Variants in XYLT1 observed in about 807,000 individuals in gnomAD.
XYLT1 encodes xylosyltransferase 1.
Under a neutral mutation model 91.3 loss-of-function variants are expected in XYLT1, and 36 were observed. The ratio of observed to expected loss-of-function variants is 0.39; its 90% CI spans 0.30 to 0.52. The LOEUF (loss-of-function observed/expected upper bound fraction) is 0.52, where lower values mean the gene tolerates loss of function less well. Ranked by LOEUF, XYLT1 falls within the 20% of genes least tolerant of loss-of-function variation. XYLT1 has a pLI of 0.68. For missense variants in XYLT1, 1,242 were observed against 1,284.5 expected (o/e 0.97, Z 0.51); for synonymous variants, 588 against 532.0 (o/e 1.11, Z -1.45).
rs1355447400 is a variant in XYLT1, at chr16:17,108,422, A to C, written c.*273T>G. On this transcript the variant is annotated 3_prime_UTR_variant, in exon 12 of 12. Coordinates refer to ENST00000261381, the MANE Select transcript of XYLT1 (RefSeq NM_022166.4). ...TCAGGGGTGGGTCACTGGAAGGGGA[A>C]GACAAGGAACCTGTAGGACTTGAGG... The C allele has an allele frequency of 8.0e-6, 3 of 373,798 alleles. No individual in the cohort carries two copies. Among genetic ancestry groups the C allele is most frequent in the East Asian group, 8.0e-5 (2 of 25,050 alleles). The allele number at this position is 373,798 out of a possible 1,614,324, so 23.2% of individuals were successfully genotyped here.
At chr16:17,172,163 G>C (rs2031835032) in intron 5 of XYLT1, among the ~76,000 whole-genome samples, 1 of 152,120 alleles carries the variant, frequency 6.6e-6, no homozygotes, top group Admixed American at 6.6e-5. Context: ...TTGCAGCTGT[G>C]AATTAAATTT....
chr16:17,197,910 G>T, intron 5 of XYLT1: 1 of 429,040 alleles, frequency 2.3e-6, no homozygotes, highest in East Asian at 4.2e-5. Context: ...CACCTATCCT[G>T]TTAGTTCTGT....
chr16:17,121,900 A>C (rs1380369470), intron 10 of XYLT1, among the ~76,000 whole-genome samples: 1 of 152,140 alleles, frequency 6.6e-6, no homozygotes, highest in African/African-American at 2.4e-5. Context: ...CTCCAATTCC[A>C]TCCAGGTTGC....
At chr16:17,443,042 C>T (rs543758852) in intron 1 of XYLT1, among the ~76,000 whole-genome samples, 1 of 152,098 alleles carries the variant, frequency 6.6e-6, no homozygotes, top group Non-Finnish European at 1.5e-5. Flanking sequence ...TTGGAGCAGA[C>T]CGCTTGGGTG....
At chr16:17,338,538 A>G in intron 2 of XYLT1, 2 of 456,008 alleles carry the variant, frequency 4.4e-6, no homozygotes, top group Non-Finnish European at 8.8e-6. Flanking sequence ...TGATTTTCTG[A>G]CAAGGCTCAA....
At chr16:17,189,217 C>T (rs1734466675) in intron 5 of XYLT1, among the ~76,000 whole-genome samples, 1 of 152,166 alleles carries the variant, frequency 6.6e-6, no homozygotes, top group Admixed American at 6.5e-5. Flanking sequence ...GAAGCTTGGA[C>T]CTCACACTCT....
intron 5 of XYLT1, among the ~76,000 whole-genome samples, chr16:17,190,655 T>C (rs989375502): frequency 3.9e-5 from 6 of 152,262 alleles, no homozygotes; most frequent in African/African-American, 7.2e-5. Flanking sequence ...TAGTATTCCA[T>C]GGTGTATATG....
At chr16:17,175,598 T>C (rs1342755935) in intron 5 of XYLT1, among the ~76,000 whole-genome samples, 4 of 152,166 alleles carry the variant, frequency 2.6e-5, no homozygotes, top group Non-Finnish European at 4.4e-5. Flanking sequence ...GGAAGGAATG[T>C]GGACACCTGC....
At chr16:17,309,190 T>C (rs1224488884) in intron 2 of XYLT1, among the ~76,000 whole-genome samples, 1 of 151,946 alleles carries the variant, frequency 6.6e-6, no homozygotes, top group Non-Finnish European at 1.5e-5. Context: ...CTTGGGTGAG[T>C]GCTGTCCTAT....
At chr16:17,180,767 C>T (rs1453581600) in intron 5 of XYLT1, among the ~76,000 whole-genome samples, 2 of 152,198 alleles carry the variant, frequency 1.3e-5, no homozygotes, top group African/African-American at 4.8e-5. Context: ...TCTAGAGACA[C>T]TCCATCTGAC....
At chr16:17,115,822 A>AAAAG (rs1966851033) in intron 11 of XYLT1, among the ~76,000 whole-genome samples, 1 of 148,064 alleles carries the variant, frequency 6.8e-6, no homozygotes, top group Non-Finnish European at 1.5e-5. Context: ...AAAAAAAAAA[A>AAAAG]AAAGACTTTT....
rs1209914632 is a variant in XYLT1 at position 17,470,714 on chromosome 16, T to TGCA, written c.80_82dup (p.Leu27dup). On this transcript the variant is annotated inframe_insertion, in exon 1 of 12. Coordinates refer to ENST00000261381, the MANE Select transcript of XYLT1 (RefSeq NM_022166.4). ...GCTGAAATTCCACACGACCAGCGTC[T>TGCA]GCAGCAGCAGCACCGTGAGCGCCGC... The TGCA allele has an allele frequency of 8.6e-6, 10 of 1,165,770 alleles. No homozygotes were observed. In the South Asian group the frequency reaches 1.0e-4, roughly 12 times the overall value. The allele number at this position is 1,165,770 out of a possible 1,614,324, so 72.2% of individuals were successfully genotyped here. A position where few individuals can be genotyped will look rare whatever the true frequency, so the allele number is the denominator to read the frequency against.
chr16:17,272,157 T>A (rs1189787604), intron 2 of XYLT1, among the ~76,000 whole-genome samples: 1 of 132,776 alleles, frequency 7.5e-6, no homozygotes, highest in Non-Finnish European at 1.6e-5. Flanking sequence ...TTGTTGGTTT[T>A]TTTTTTTTTT....
chr16:17,256,412 G>C lies in XYLT1; in HGVS notation c.913+2576C>G, dbSNP rs369220037. On this transcript the variant is annotated intron_variant, in intron 3 of 11. Coordinates refer to ENST00000261381, the MANE Select transcript of XYLT1 (RefSeq NM_022166.4). Reference sequence around the variant, plus strand: ...TCACCCCTGTAATCCCAGCACTTTGGGGGGCCGAGGCGGGTGGATCACTAG... The same window carrying C: ...TCACCCCTGTAATCCCAGCACTTTGCGGGGCCGAGGCGGGTGGATCACTAG... Among the ~76,000 whole-genome samples, 8 of 152,080 alleles carry C rather than the reference G, an allele frequency of 5.3e-5. No individual in the cohort carries two copies. In the East Asian group the frequency reaches 1.4e-3, roughly 26 times the overall value.
chr16:17,142,431 ATTT>A (rs71137975), intron 6 of XYLT1, among the ~76,000 whole-genome samples: 3 of 122,726 alleles, frequency 2.4e-5, no homozygotes, highest in Admixed American at 8.8e-5. Context: ...AAATCCTGTA[ATTT>A]TTTTTTTTTT....
intron 3 of XYLT1, among the ~76,000 whole-genome samples, chr16:17,242,197 A>G (rs566369915): frequency 6.6e-6 from 1 of 152,336 alleles, no homozygotes; most frequent in Admixed American, 6.5e-5. Context: ...CCATATGAGC[A>G]GGGGTTGGCG....
intron 1 of XYLT1, among the ~76,000 whole-genome samples, chr16:17,450,729 C>T (rs1029745037): frequency 2.0e-5 from 3 of 152,158 alleles, no homozygotes; most frequent in Non-Finnish European, 4.4e-5. Context: ...TGTCTTGCGT[C>T]GTAAACAGAC....
In XYLT1 at chr16:17,421,789, T is replaced by A. The variant is rs560806801; in HGVS notation, c.363+48645A>T. Among the ~76,000 whole-genome samples the A allele has an allele frequency of 1.6e-4, 24 of 152,254 alleles. No homozygotes were observed. The South Asian group carries it at 5.0e-3, about 32-fold the overall frequency. ...AATTAGGAACAAAACAAAATTAATG[T>A]TTTAAGCCACTCAGTTTTCAGATAG... On this transcript the variant is annotated intron_variant, in intron 1 of 11. Transcript: ENST00000261381.
chr16:17,330,266 ACTGGGTTGGGCT>A (rs2034874166), intron 2 of XYLT1, among the ~76,000 whole-genome samples: 1 of 152,198 alleles, frequency 6.6e-6, no homozygotes, highest in Non-Finnish European at 1.5e-5. Context: ...CAGCTGATAA[ACTGGGTTGGGCT>A]CCCCAAGGTC....
Sources: allele counts gnomAD v4.1 joint callset (sites outside exome capture counted in the v4.1 genomes callset), GRCh38; gene constraint gnomAD v4.1.1; transcripts MANE v1.5; gene names NCBI Gene and HGNC (gene_info 2026-07-23, HGNC 2026-07-21).